Variants in N4BP2 observed in about 807,000 individuals in gnomAD.
N4BP2 encodes NEDD4-binding protein 2.
N4BP2 carries 91 observed loss-of-function variants against 152.8 expected under a neutral mutation model. That is an observed-to-expected ratio of 0.60 (90% confidence interval 0.50 to 0.71). N4BP2 has a LOEUF of 0.71. N4BP2 is among the 30% of genes least tolerant of loss of function. N4BP2 has a pLI of 0.00. For missense variants in N4BP2, 1,923 were observed against 2,059.1 expected, an observed-to-expected ratio of 0.93 and a Z score of 1.28; for synonymous variants, 646 against 705.3, an observed-to-expected ratio of 0.92 and a Z score of 1.33.
intron 12 of N4BP2, among the ~76,000 whole-genome samples, chr4:40,126,763 T>A (rs1396919121): frequency 6.6e-6 from 1 of 152,084 alleles, no homozygotes; most frequent in Non-Finnish European, 1.5e-5. Context: ...TGGGTATTTT[T>A]ATTTTATTTT....
intron 6 of N4BP2, 103 bp from the exon 7 acceptor site, chr4:40,113,329 G>T: frequency 2.3e-6 from 2 of 852,714 alleles, no homozygotes; most frequent in African/African-American, 1.7e-5. Context: ...CACTCATCAA[G>T]ATTAGATAAT....
intron 1 of N4BP2, among the ~76,000 whole-genome samples, chr4:40,069,632 G>T (rs937929827): frequency 6.6e-6 from 1 of 152,154 alleles, no homozygotes; most frequent in South Asian, 2.1e-4. Flanking sequence ...TTTTGGCCAG[G>T]CACAGTTGCC....
chr4:40,113,602 G>C (rs925115718), intron 7 of N4BP2, 94 bp downstream of exon 7: 2 of 829,894 alleles, frequency 2.4e-6, no homozygotes, highest in Admixed American at 4.0e-5. Flanking sequence ...TGAATGAATT[G>C]ATTAGATTGT....
At chr4:40,084,752 C>G (rs1578984499) in intron 2 of N4BP2, among the ~76,000 whole-genome samples, 1 of 151,024 alleles carries the variant, frequency 6.6e-6, no homozygotes, top group Non-Finnish European at 1.5e-5. Context: ...GCCTCAGCCT[C>G]CTGAGTAGCT....
chr4:40,154,389 A>G lies in N4BP2; in HGVS notation c.*152A>G. On this transcript the variant is annotated 3_prime_UTR_variant, in exon 18 of 18. Coordinates refer to ENST00000261435, the MANE Select transcript of N4BP2 (RefSeq NM_018177.6). Reference sequence around the variant, plus strand: ...AAATTATGATGTTTTTCAAAATGCAAGTGAGGTTTGATTTTTTACTGAATC... The same window carrying G: ...AAATTATGATGTTTTTCAAAATGCAGGTGAGGTTTGATTTTTTACTGAATC... 3.9e-6 allele frequency: 2 copies of G among 510,238 alleles called. No individual in the cohort carries two copies. Among genetic ancestry groups the G allele is most frequent in the Non-Finnish European group, 6.7e-6 (2 of 298,950 alleles). The allele number at this position is 510,238 out of a possible 1,614,324, so 31.6% of individuals were successfully genotyped here.
chr4:40,124,147 CT>C lies in N4BP2; in HGVS notation c.4285-9del. 6.2e-7 allele frequency: 1 copy of C among 1,604,814 alleles called. No individual in the cohort carries two copies. The highest frequency in any genetic ancestry group is 8.5e-7 in the Non-Finnish European group (1 of 1,173,676). On this transcript the variant is annotated splice_polypyrimidine_tract_variant and intron_variant, in intron 10 of 17. Transcript: ENST00000261435. Reference sequence around the variant, plus strand: ...CCCTGTTTGCCAATCTCTTGCCTGGCTTTTGTGTTTAGGAGCGACAAAGACA... The same window carrying C: ...CCCTGTTTGCCAATCTCTTGCCTGGCTTTGTGTTTAGGAGCGACAAAGACA...
intron 2 of N4BP2, among the ~76,000 whole-genome samples, chr4:40,090,686 A>G (rs1714440890): frequency 6.6e-6 from 1 of 152,122 alleles, no homozygotes; most frequent in South Asian, 2.1e-4. Flanking sequence ...TAATCCCAGT[A>G]CTTTGGGAGG....
chr4:40,136,801 G>A, intron 13 of N4BP2, 143 bp from the exon 14 acceptor site: 1 of 576,182 alleles, frequency 1.7e-6, no homozygotes, highest in Non-Finnish European at 3.1e-6. Flanking sequence ...GATACACCAT[G>A]AGCATTTAAT....
At chr4:40,101,452 G>T (rs568873651) in intron 3 of N4BP2, among the ~76,000 whole-genome samples, 1 of 152,028 alleles carries the variant, frequency 6.6e-6, no homozygotes, top group African/African-American at 2.4e-5. Flanking sequence ...GAGCAACCAC[G>T]CCAAAAAGTG....
intron 5 of N4BP2, among the ~76,000 whole-genome samples, chr4:40,108,286 A>G (rs1203651816): frequency 1.3e-5 from 2 of 151,562 alleles, no homozygotes; most frequent in East Asian, 3.9e-4. Flanking sequence ...GAATTTGACC[A>G]GTTAACCACT....
In N4BP2 at chr4:40,121,848, G is replaced by T. The variant is rs1300687336; in HGVS notation, c.3737G>T (p.Ser1246Ile). Residue 1246 changes from serine (S) to isoleucine (I), a missense_variant, in exon 9 of 18, where the codon AGT becomes ATT. Physicochemically the swap from Ser to Ile is moderately radical, Grantham distance 142. Coordinates refer to ENST00000261435, the MANE Select transcript of N4BP2 (RefSeq NM_018177.6). Reference protein sequence around the residue: ...PNSQEELLYSSKQSFPGILKA... With the variant: ...PNSQEELLYSIKQSFPGILKA... The stretch of plus-strand genomic sequence containing the variant: ...AGCCAGGAAGAACTTTTATATAGCA[G>T]TAAGCAGTCCTTTCCAGGTATTCTA... 5.0e-6 allele frequency: 8 copies of T among 1,613,820 alleles called. No homozygotes were observed. The highest frequency in any genetic ancestry group is 6.8e-6 in the Non-Finnish European group (8 of 1,179,976).
At chr4:40,090,168 C>T (rs1714389238) in intron 2 of N4BP2, among the ~76,000 whole-genome samples, 1 of 152,140 alleles carries the variant, frequency 6.6e-6, no homozygotes, top group South Asian at 2.1e-4. Flanking sequence ...ACTGATGCTA[C>T]ATAGTTTTGA....
chr4:40,063,179 G>C (rs1560565386), intron 1 of N4BP2, among the ~76,000 whole-genome samples: 1 of 152,112 alleles, frequency 6.6e-6, no homozygotes, highest in Non-Finnish European at 1.5e-5. Flanking sequence ...TTATTAGTTA[G>C]GACTTTTTGG....
the N4BP2 span, among the ~76,000 whole-genome samples, chr4:40,182,621 T>A: frequency 2.0e-5 from 3 of 151,876 alleles, no homozygotes; most frequent in African/African-American, 7.3e-5. Flanking sequence ...GGCTAAAATT[T>A]TTTTTTTGTA....
intron 16 of N4BP2, among the ~76,000 whole-genome samples, chr4:40,149,241 A>T (rs530725687): frequency 6.6e-6 from 1 of 152,268 alleles, no homozygotes; most frequent in Non-Finnish European, 1.5e-5. Flanking sequence ...AATGTGGTAA[A>T]TCTATACAAT....
chr4:40,182,403 T>C, the N4BP2 span, among the ~76,000 whole-genome samples: 1 of 152,180 alleles, frequency 6.6e-6, no homozygotes, highest in Non-Finnish European at 1.5e-5. Flanking sequence ...TTGTATTTGG[T>C]ATAAATCCTT....
intron 2 of N4BP2, among the ~76,000 whole-genome samples, chr4:40,085,387 G>A (rs1294468029): frequency 6.6e-6 from 1 of 152,218 alleles, no homozygotes; most frequent in Non-Finnish European, 1.5e-5. Context: ...ATACTTTGAT[G>A]TGGGTCTACA....
rs1717916502 is a variant in N4BP2, at chr4:40,121,578, G to A, written c.3467G>A (p.Gly1156Glu). Residue 1156 changes from glycine to glutamate, a missense_variant, in exon 9 of 18, where the codon GGG (glycine) becomes GAG (glutamate). Transcript: ENST00000261435. Reference protein sequence around the residue: ...DGSQIGPFSLGLNLKEIISQR... With the variant: ...DGSQIGPFSLELNLKEIISQR... ...TCACAAATTGGGCCTTTTTCTCTGGGGTTGAATTTGAAAGAAATTATTAGC... is the reference window on the plus strand; with the variant it reads ...TCACAAATTGGGCCTTTTTCTCTGGAGTTGAATTTGAAAGAAATTATTAGC... 1 of 1,614,026 alleles carries A rather than the reference G, an allele frequency of 6.2e-7. No individual in the cohort carries two copies. Among genetic ancestry groups the A allele is most frequent in the Non-Finnish European group, 8.5e-7 (1 of 1,179,974 alleles).
intron 2 of N4BP2, among the ~76,000 whole-genome samples, chr4:40,074,791 G>A (rs1388669170): frequency 6.6e-6 from 1 of 151,998 alleles, no homozygotes; most frequent in Admixed American, 6.6e-5. Flanking sequence ...CAGATCACTT[G>A]AGGCCAGGAG....
Sources: gnomAD v4.1 joint callset for allele counts (sites outside exome capture counted in the v4.1 genomes callset) on GRCh38, gnomAD v4.1.1 for gene constraint, MANE v1.5 for transcripts, NCBI Gene and HGNC (gene_info 2026-07-23, HGNC 2026-07-21) for gene names.